Variants in DTNA observed in about 807,000 individuals in gnomAD.
DTNA encodes the protein dystrobrevin alpha, also known as dystrophin-related protein 3.
DTNA carries 43 observed loss-of-function variants against 100.7 expected under a neutral mutation model. The observed-to-expected ratio is 0.43, with a 90% CI of 0.33 to 0.55. The LOEUF (loss-of-function observed/expected upper bound fraction) is 0.55. Ranked by LOEUF, DTNA falls within the 20% of genes least tolerant of loss-of-function variation. The probability of loss-of-function intolerance (pLI) is 0.04; values close to 1 mark genes in which losing one functional copy is unlikely to be tolerated. For synonymous variants in DTNA, 349 were observed against 347.9 expected, an observed-to-expected ratio of 1.00 and a Z score of -0.04; for missense variants, 798 against 953.9, an observed-to-expected ratio of 0.84 and a Z score of 2.15.
intron 1 of DTNA, among the ~76,000 whole-genome samples, chr18:34,713,712 A>G (rs1395604624): frequency 6.6e-6 from 1 of 151,934 alleles, no homozygotes; most frequent in Non-Finnish European, 1.5e-5. Context: ...GAATCTGTAA[A>G]TTACCTTGGG....
intron 1 of DTNA, among the ~76,000 whole-genome samples, chr18:34,642,996 A>G (rs756397990): frequency 2.0e-5 from 3 of 152,268 alleles, no homozygotes; most frequent in Non-Finnish European, 4.4e-5. Context: ...TCATGTGAGT[A>G]ACTAGCATGC....
At chr18:34,666,283 G>C (rs918434915) in intron 1 of DTNA, among the ~76,000 whole-genome samples, 1 of 149,840 alleles carries the variant, frequency 6.7e-6, no homozygotes, top group African/African-American at 2.5e-5. Context: ...TTTTTTTCTT[G>C]TAAATTTGTT....
intron 1 of DTNA, among the ~76,000 whole-genome samples, chr18:34,714,796 TG>T (rs1286017626): frequency 3.9e-5 from 6 of 151,986 alleles, no homozygotes; most frequent in Non-Finnish European, 8.8e-5. Flanking sequence ...AGCAAAGACT[TG>T]GAACCAAGCC....
At chr18:34,747,559 G>A (rs1202600496) in intron 1 of DTNA, among the ~76,000 whole-genome samples, 2 of 152,010 alleles carry the variant, frequency 1.3e-5, no homozygotes, top group African/African-American at 4.8e-5. Flanking sequence ...CATCCTCATA[G>A]CTTAGCTCCC....
At chr18:34,624,145 CA>C (rs1000967853) in intron 1 of DTNA, among the ~76,000 whole-genome samples, 1 of 150,818 alleles carries the variant, frequency 6.6e-6, no homozygotes, top group Non-Finnish European at 1.5e-5. Context: ...ATCAAAAAAG[CA>C]AAAAAAATAC....
intron 6 of DTNA, among the ~76,000 whole-genome samples, chr18:34,814,673 C>T (rs990396700): frequency 1.3e-5 from 2 of 151,476 alleles, no homozygotes; most frequent in African/African-American, 4.9e-5. Flanking sequence ...GCCTGGGCAG[C>T]AGAGTGAGAT....
intron 1 of DTNA, among the ~76,000 whole-genome samples, chr18:34,721,589 A>G (rs2085334375): frequency 1.3e-5 from 2 of 152,248 alleles, no homozygotes; most frequent in South Asian, 2.1e-4. Context: ...AAATGAGTAG[A>G]CTTAAAATAA....
chr18:34,815,224 G>A (rs1335406842), intron 6 of DTNA, among the ~76,000 whole-genome samples: 3 of 151,872 alleles, frequency 2.0e-5, no homozygotes, highest in African/African-American at 7.3e-5. Context: ...TACCATTACA[G>A]TACATGTATT....
intron 1 of DTNA, among the ~76,000 whole-genome samples, chr18:34,516,128 G>T (rs1472249757): frequency 6.6e-6 from 1 of 152,064 alleles, no homozygotes; most frequent in African/African-American, 2.4e-5. Flanking sequence ...GTGTTGGCCG[G>T]TCTGAGAAAT....
At chr18:34,855,860 C>T (rs1006109540) in intron 15 of DTNA, among the ~76,000 whole-genome samples, 2 of 152,194 alleles carry the variant, frequency 1.3e-5, no homozygotes, top group African/African-American at 2.4e-5. Flanking sequence ...ACTCTGCTTC[C>T]ACTCGGGCAT....
chr18:34,521,051 A>G (rs1475082112), intron 1 of DTNA, among the ~76,000 whole-genome samples: 2 of 152,120 alleles, frequency 1.3e-5, no homozygotes, highest in Non-Finnish European at 2.9e-5. Context: ...TTTGGACTGT[A>G]TTTTCTGATG....
At chr18:34,676,020 G>A (rs1021290996) in intron 1 of DTNA, among the ~76,000 whole-genome samples, 1 of 152,164 alleles carries the variant, frequency 6.6e-6, no homozygotes, top group African/African-American at 2.4e-5. Context: ...ATCAGTCCGA[G>A]CATAAATAGG....
At chr18:34,642,429 C>T (rs575905337) in intron 1 of DTNA, among the ~76,000 whole-genome samples, 4 of 152,226 alleles carry the variant, frequency 2.6e-5, no homozygotes, top group Non-Finnish European at 5.9e-5. Flanking sequence ...CCCAATCTTA[C>T]TACCTTGGTA....
At chr18:34,626,373 C>T (rs2057323617) in intron 1 of DTNA, among the ~76,000 whole-genome samples, 2 of 151,810 alleles carry the variant, frequency 1.3e-5, no homozygotes, top group Admixed American at 1.3e-4. Context: ...TGGAAATGCT[C>T]CATGAAAAGA....
intron 17 of DTNA, among the ~76,000 whole-genome samples, chr18:34,870,780 C>T (rs2096757697): frequency 6.6e-6 from 1 of 152,114 alleles, no homozygotes; most frequent in East Asian, 1.9e-4. Flanking sequence ...CTTGCTCCTG[C>T]TGTTCCCAGG....
intron 1 of DTNA, among the ~76,000 whole-genome samples, chr18:34,521,959 A>G (rs534442854): frequency 6.6e-6 from 1 of 152,198 alleles, no homozygotes; most frequent in South Asian, 2.1e-4. Context: ...GTTCACCTTT[A>G]TATCCCTAGC....
At chr18:34,561,247 C>T (rs1270339972) in intron 1 of DTNA, among the ~76,000 whole-genome samples, 19 of 152,038 alleles carry the variant, frequency 1.2e-4, no homozygotes, top group Non-Finnish European at 5.9e-5. Context: ...AAAATAGGTT[C>T]CCCTAAAAAT....
intron 1 of DTNA, among the ~76,000 whole-genome samples, chr18:34,645,171 C>A (rs2059694795): frequency 6.6e-6 from 1 of 152,120 alleles, no homozygotes; most frequent in Non-Finnish European, 1.5e-5. Flanking sequence ...CAAAGTCAGG[C>A]TCCAGCCTGT....
At chr18:34,659,152 T>G (rs1471315613) in intron 1 of DTNA, among the ~76,000 whole-genome samples, 1 of 152,112 alleles carries the variant, frequency 6.6e-6, no homozygotes, top group Non-Finnish European at 1.5e-5. Context: ...TATCTTCCTT[T>G]AAAATAGTAC....
Sources: allele counts gnomAD v4.1 joint callset (sites outside exome capture counted in the v4.1 genomes callset), GRCh38; gene constraint gnomAD v4.1.1; transcripts MANE v1.5; gene names NCBI Gene and HGNC (gene_info 2026-07-23, HGNC 2026-07-21).